Variants in DCAF6 observed in about 807,000 individuals in gnomAD.
DCAF6 encodes DDB1- and CUL4-associated factor 6.
A neutral mutation model predicts 125.1 loss-of-function variants in DCAF6; 54 were observed. That is an observed-to-expected ratio of 0.43 (90% CI 0.35 to 0.54). The LOEUF (loss-of-function observed/expected upper bound fraction) is 0.54. Ranked by LOEUF, DCAF6 falls within the 20% of genes least tolerant of loss-of-function variation. DCAF6 has a pLI of 0.01. For missense variants in DCAF6, 934 were observed against 1,161.7 expected, an observed-to-expected ratio of 0.80 and a Z score of 2.85; for synonymous variants, 371 against 390.4, an observed-to-expected ratio of 0.95 and a Z score of 0.58.
intron 3 of DCAF6, among the ~76,000 whole-genome samples, chr1:167,967,892 G>A (rs7539823): frequency 0.11 from 16,405 of 151,388 alleles, 1,000 homozygotes; most frequent in African/African-American, 0.16. Context: ...CACCATGCTC[G>A]GCTAATTTTT....
chr1:167,993,377 T>C lies in DCAF6; in HGVS notation c.840T>C (p.Phe280=), dbSNP rs759601372. ...ACTCTTCAGATTACATATATCTTTT[T>C]GACCCGAAAGATGATACAGCACGAG... ...VSYSSDYIYL[F]DPKDDTAREL... Residue 280 remains phenylalanine (F), a synonymous_variant, in exon 7 of 22, where the codon TTT becomes TTC. Coordinates refer to ENST00000367840, the MANE Select transcript of DCAF6 (RefSeq NM_001198956.2). 94 of 1,613,826 alleles carry C rather than the reference T, an allele frequency of 5.8e-5. 1 individual carries two copies. In the South Asian group the frequency reaches 9.7e-4, roughly 17 times the overall value.
the DCAF6 span, among the ~76,000 whole-genome samples, chr1:167,901,116 G>A: frequency 6.6e-6 from 1 of 152,156 alleles, no homozygotes; most frequent in South Asian, 2.1e-4. Flanking sequence ...CGTGCATAGT[G>A]TGTAATGTCT....
Position 168,003,873 on chromosome 1 carries a change from A to G in DCAF6, c.1001A>G (p.Glu334Gly). ...GATAAGACCTATATTGTAATAGGAG[A>G]GCAGAGTCCCAATGTGTCATTGATG... ...RPESERERDGEQSPNVSLMQR... is the reference protein window; with the variant it reads ...RPESERERDGGQSPNVSLMQR... The change falls in exon 9 of 22, where the codon GAG (glutamate) becomes GGG (glycine). Residue 334 changes from glutamate (E) to glycine (G), a missense_variant. By Grantham distance (98) the Glu-to-Gly change is moderately conservative (BLOSUM62 -2). Transcript: ENST00000367840. The G allele has an allele frequency of 2.5e-6, 4 of 1,610,034 alleles. No individual in the cohort carries two copies. The highest frequency in any genetic ancestry group is 3.4e-6 in the Non-Finnish European group (4 of 1,178,508).
intron 7 of DCAF6, among the ~76,000 whole-genome samples, chr1:167,994,873 G>A (rs190295181): frequency 5.3e-5 from 8 of 151,952 alleles, no homozygotes; most frequent in Non-Finnish European, 1.2e-4. Context: ...CGTTTTAAAG[G>A]TTACTAATAA....
intron 3 of DCAF6, among the ~76,000 whole-genome samples, chr1:167,967,013 A>G (rs1187886770): frequency 6.6e-6 from 1 of 152,106 alleles, no homozygotes. Flanking sequence ...TTGGGGGAAA[A>G]TGTGCCATAA....
intron 16 of DCAF6, among the ~76,000 whole-genome samples, chr1:168,047,524 C>G (rs1432304881): frequency 4.6e-5 from 7 of 151,926 alleles, no homozygotes; most frequent in African/African-American, 1.7e-4. Flanking sequence ...TATGTTGGTC[C>G]TACATGGTAT....
In DCAF6 at chr1:167,984,109, G is replaced by T. The variant is rs553700129; in HGVS notation, c.439-3386G>T. On this transcript the variant is annotated intron_variant, in intron 4 of 21. Transcript: ENST00000367840. The stretch of plus-strand genomic sequence containing the variant: ...TTTCTGAGATCCAGTTATTTGTCTT[G>T]AATAAATGTTTCTTGGATTGTTCTA... 2.0e-5 allele frequency among the ~76,000 whole-genome samples: 3 copies of T among 152,282 alleles called. No individual in the cohort carries two copies. In the East Asian group the frequency reaches 5.8e-4, roughly 29 times the overall value.
the DCAF6 span, chr1:167,896,463 C>T: frequency 1.3e-6 from 1 of 779,804 alleles, no homozygotes; most frequent in South Asian, 1.4e-5. Flanking sequence ...AAGTAGGTCC[C>T]CTTTGTGTGC....
At chr1:167,879,131 C>T in the DCAF6 span, among the ~76,000 whole-genome samples, 1 of 152,194 alleles carries the variant, frequency 6.6e-6, no homozygotes, top group Non-Finnish European at 1.5e-5. Context: ...AGCACAGGCT[C>T]TGAAGGCAGA....
intron 14 of DCAF6, among the ~76,000 whole-genome samples, chr1:168,043,889 G>A (rs779936864): frequency 6.6e-6 from 1 of 152,114 alleles, no homozygotes; most frequent in Non-Finnish European, 1.5e-5. Flanking sequence ...TTAACTACTT[G>A]TTCATGATAG....
intron 5 of DCAF6, among the ~76,000 whole-genome samples, chr1:167,988,963 C>A (rs537878506): frequency 7.9e-5 from 12 of 152,000 alleles, no homozygotes; most frequent in African/African-American, 2.9e-4. Context: ...GCCTGTAATC[C>A]CAGCTACTCG....
At chr1:167,906,791 A>AAAT in the DCAF6 span, among the ~76,000 whole-genome samples, 3 of 152,080 alleles carry the variant, frequency 2.0e-5, no homozygotes, top group Non-Finnish European at 4.4e-5. Context: ...TCCATCTCTA[A>AAAT]AATAATAATA....
chr1:167,945,844 C>T (rs1292912552), intron 1 of DCAF6, among the ~76,000 whole-genome samples: 1 of 145,454 alleles, frequency 6.9e-6, no homozygotes, highest in Non-Finnish European at 1.5e-5. Context: ...GGATTGTGTT[C>T]TTGATTTGGT....
chr1:167,965,192 T>A (rs1676213104), intron 2 of DCAF6, among the ~76,000 whole-genome samples: 1 of 152,214 alleles, frequency 6.6e-6, no homozygotes, highest in Non-Finnish European at 1.5e-5. Context: ...GAGGAAGTGT[T>A]CTACAGGCCT....
chr1:167,904,884 C>T, the DCAF6 span: 1 of 1,461,274 alleles, frequency 6.8e-7, no homozygotes, highest in Non-Finnish European at 9.6e-7. Context: ...GCTGTGACAG[C>T]CCAAGGGCTC....
intron 7 of DCAF6, among the ~76,000 whole-genome samples, chr1:167,999,500 T>TTC (rs1194370500): frequency 6.6e-6 from 1 of 152,204 alleles, no homozygotes; most frequent in Admixed American, 6.5e-5. Context: ...AGAAGGCTGT[T>TTC]TCATTTGCAT....
chr1:167,941,159 T>C (rs1421238515), intron 1 of DCAF6, among the ~76,000 whole-genome samples: 4 of 152,208 alleles, frequency 2.6e-5, no homozygotes, highest in African/African-American at 9.6e-5. Flanking sequence ...GAAATATTTG[T>C]ATTTTGTTTC....
the DCAF6 span, among the ~76,000 whole-genome samples, chr1:167,921,205 A>G: frequency 1.3e-5 from 2 of 151,826 alleles, no homozygotes; most frequent in Non-Finnish European, 2.9e-5. Context: ...AGAAAAACTT[A>G]TAATTTTAGT....
intron 5 of DCAF6, among the ~76,000 whole-genome samples, chr1:167,987,928 A>G (rs1332665683): frequency 6.6e-6 from 1 of 152,066 alleles, no homozygotes; most frequent in Non-Finnish European, 1.5e-5. Context: ...GAATTTATAT[A>G]AATGTATCTC....
Sources: allele counts gnomAD v4.1 joint callset (sites outside exome capture counted in the v4.1 genomes callset), GRCh38; gene constraint gnomAD v4.1.1; transcripts MANE v1.5; gene names NCBI Gene and HGNC (gene_info 2026-07-23, HGNC 2026-07-21).